The following DPP10 variants were observed in gnomAD, a reference collection of about 807,000 sequenced individuals.
The protein encoded by DPP10 is inactive dipeptidyl peptidase 10.
DPP10 carries 33 observed loss-of-function variants against 120.9 expected under a neutral mutation model. That is an observed-to-expected ratio of 0.27 (90% CI 0.21 to 0.37). The LOEUF is 0.37. Among genes scored for constraint, DPP10 ranks in the 10% least tolerant of loss-of-function variants. The pLI is 1.00. For synonymous variants in DPP10, 337 were observed against 326.1 expected, an observed-to-expected ratio of 1.03 and a Z score of -0.36; for missense variants, 816 against 942.8, an observed-to-expected ratio of 0.87 and a Z score of 1.76.
chr2:115,355,346 G>T (rs182689313), intron 3 of DPP10, among the ~76,000 whole-genome samples: 28 of 152,012 alleles, frequency 1.8e-4, no homozygotes, highest in Non-Finnish European at 2.5e-4. Context: ...TTTGTTGGCC[G>T]TGTACATGTC....
At chr2:114,894,646 T>C (rs1315409025) in intron 1 of DPP10, among the ~76,000 whole-genome samples, 3 of 152,142 alleles carry the variant, frequency 2.0e-5, no homozygotes, top group African/African-American at 7.2e-5. Context: ...AAGCAGTTAA[T>C]TTTTTTAAAG....
At chr2:114,684,293 G>A (rs1045705859) in intron 1 of DPP10, among the ~76,000 whole-genome samples, 1 of 151,924 alleles carries the variant, frequency 6.6e-6, no homozygotes, top group Non-Finnish European at 1.5e-5. Flanking sequence ...TATGATAAGT[G>A]GAAGTTAAAG....
intron 5 of DPP10, among the ~76,000 whole-genome samples, chr2:115,655,992 T>C (rs2088283346): frequency 6.6e-6 from 1 of 151,522 alleles, no homozygotes; most frequent in African/African-American, 2.4e-5. Context: ...AAAATTATTT[T>C]TCAATGGGTA....
chr2:114,719,225 A>C (rs1210301894), intron 1 of DPP10, among the ~76,000 whole-genome samples: 1 of 152,182 alleles, frequency 6.6e-6, no homozygotes, highest in Non-Finnish European at 1.5e-5. Context: ...CTGAGCATCT[A>C]CAGAGTACAA....
At chr2:114,754,449 A>G (rs1015658995) in intron 1 of DPP10, among the ~76,000 whole-genome samples, 1 of 152,194 alleles carries the variant, frequency 6.6e-6, no homozygotes, top group African/African-American at 2.4e-5. Context: ...TTTGAATGTC[A>G]GGGCATGTCT....
intron 1 of DPP10, among the ~76,000 whole-genome samples, chr2:114,525,420 G>A (rs1237177464): frequency 6.6e-6 from 1 of 152,162 alleles, no homozygotes; most frequent in Non-Finnish European, 1.5e-5. Flanking sequence ...AGGAACACAT[G>A]TGTTAAAAGT....
rs2081714152 is a variant in DPP10 at position 115,577,038 on chromosome 2, T to C, written c.441+51066T>C. On this transcript the variant is annotated intron_variant, in intron 5 of 25. Transcript: ENST00000410059. ...TCTTTTCCAGCCAAATATGGGAGTA[T>C]TGAAGGAACAAGGAGATGACAGATA... Among the ~76,000 whole-genome samples, 3 of 152,166 alleles carry C rather than the reference T, an allele frequency of 2.0e-5. No homozygotes were observed. The South Asian group carries it at 6.2e-4, about 32-fold the overall frequency.
intron 5 of DPP10, among the ~76,000 whole-genome samples, chr2:115,578,375 C>A (rs760423067): frequency 3.9e-5 from 6 of 152,070 alleles, no homozygotes; most frequent in Non-Finnish European, 8.8e-5. Context: ...TGTACACATA[C>A]ACACACACAA....
intron 1 of DPP10, among the ~76,000 whole-genome samples, chr2:114,708,555 T>C (rs368563827): frequency 6.6e-6 from 1 of 152,086 alleles, no homozygotes; most frequent in East Asian, 1.9e-4. Context: ...CTGAGCACCT[T>C]GGTCTGGAAG....
At chr2:115,390,656 C>T (rs1420075050) in intron 3 of DPP10, among the ~76,000 whole-genome samples, 1 of 152,102 alleles carries the variant, frequency 6.6e-6, no homozygotes, top group Non-Finnish European at 1.5e-5. Context: ...CCCTCAAAGC[C>T]TCTGTTTACA....
intron 1 of DPP10, among the ~76,000 whole-genome samples, chr2:114,905,336 C>T (rs7569630): frequency 0.73 from 110,379 of 151,892 alleles, 40,355 homozygotes; most frequent in South Asian, 0.83. Context: ...TTTCTATTTA[C>T]TTAGATCTTT....
chr2:115,043,928 T>A (rs994584141), intron 1 of DPP10, among the ~76,000 whole-genome samples: 8 of 152,190 alleles, frequency 5.3e-5, no homozygotes, highest in Non-Finnish European at 1.0e-4. Flanking sequence ...ATAGTAGGTA[T>A]ATATATTTAT....
chr2:115,207,850 A>C (rs947044284), intron 1 of DPP10, among the ~76,000 whole-genome samples: 1 of 152,132 alleles, frequency 6.6e-6, no homozygotes, highest in African/African-American at 2.4e-5. Flanking sequence ...CACACAGTAT[A>C]GTAGAGAGAA....
chr2:114,851,392 A>G (rs1036115629), intron 1 of DPP10, among the ~76,000 whole-genome samples: 1 of 152,182 alleles, frequency 6.6e-6, no homozygotes, highest in Non-Finnish European at 1.5e-5. Flanking sequence ...CATTAAATCT[A>G]TAGTTTAACT....
intron 3 of DPP10, among the ~76,000 whole-genome samples, chr2:115,364,775 A>G (rs1450548895): frequency 6.6e-6 from 1 of 152,022 alleles, no homozygotes; most frequent in Non-Finnish European, 1.5e-5. Flanking sequence ...TCTAGCACGT[A>G]GTTACGCTGT....
intron 1 of DPP10, among the ~76,000 whole-genome samples, chr2:115,265,027 GTTA>G: frequency 6.6e-6 from 1 of 152,172 alleles, no homozygotes; most frequent in South Asian, 2.1e-4. Context: ...ATGACTTGCT[GTTA>G]TTATAAACTT....
intron 1 of DPP10, among the ~76,000 whole-genome samples, chr2:115,285,808 T>G (rs1385444884): frequency 6.6e-6 from 1 of 152,052 alleles, no homozygotes; most frequent in Non-Finnish European, 1.5e-5. Flanking sequence ...TAGAGCTGCT[T>G]CTTTTGCCCT....
chr2:115,484,667 A>G (rs2075656650), intron 3 of DPP10, among the ~76,000 whole-genome samples: 1 of 152,170 alleles, frequency 6.6e-6, no homozygotes, highest in African/African-American at 2.4e-5. Context: ...GCCATCTGAA[A>G]GAAAACTATG....
chr2:115,690,214 T>C (rs904348756), intron 7 of DPP10, among the ~76,000 whole-genome samples: 1 of 152,186 alleles, frequency 6.6e-6, no homozygotes, highest in Non-Finnish European at 1.5e-5. Flanking sequence ...CTGCATACTT[T>C]CCATTACATA....
Sources: gnomAD v4.1 joint callset for allele counts (sites outside exome capture counted in the v4.1 genomes callset) on GRCh38, gnomAD v4.1.1 for gene constraint, MANE v1.5 for transcripts, NCBI Gene and HGNC (gene_info 2026-07-23, HGNC 2026-07-21) for gene names.